Variants in ARHGAP22 observed in about 807,000 individuals in gnomAD.
ARHGAP22 encodes rho GTPase-activating protein 22.
In ARHGAP22, 48 loss-of-function variants were observed where a neutral mutation model predicts 59.1. That is an observed-to-expected ratio of 0.81 (90% CI 0.64 to 1.03). ARHGAP22 has a LOEUF of 1.03. Ranked by LOEUF, ARHGAP22 falls within the 50% of genes least tolerant of loss-of-function variation. The probability of loss-of-function intolerance (pLI) is 0.00; values close to 1 mark genes in which losing one functional copy is unlikely to be tolerated. For synonymous variants in ARHGAP22, 445 were observed against 416.4 expected, an observed-to-expected ratio of 1.07 and a Z score of -0.84; for missense variants, 1,015 against 958.7, an observed-to-expected ratio of 1.06 and a Z score of -0.78.
chr10:48,541,571 G>A (rs572805514), intron 3 of ARHGAP22, among the ~76,000 whole-genome samples: 43 of 152,282 alleles, frequency 2.8e-4, no homozygotes, highest in African/African-American at 8.9e-4. Flanking sequence ...CAGGACAGGC[G>A]GCATCCTGGA....
chr10:48,487,427 A>C (rs980691118), intron 3 of ARHGAP22, among the ~76,000 whole-genome samples: 1 of 152,200 alleles, frequency 6.6e-6, no homozygotes, highest in African/African-American at 2.4e-5. Flanking sequence ...AGATTATCCA[A>C]GTGGGCTCAA....
chr10:48,596,997 C>T (rs2060106696), intron 1 of ARHGAP22, among the ~76,000 whole-genome samples: 1 of 152,162 alleles, frequency 6.6e-6, no homozygotes, highest in African/African-American at 2.4e-5. Context: ...CATGACTCTG[C>T]TGGTGAATCC....
At chr10:48,451,257 C>T in intron 8 of ARHGAP22, 117 bp from the exon 9 acceptor site, 2 of 1,407,250 alleles carry the variant, frequency 1.4e-6, no homozygotes, top group Non-Finnish European at 2.0e-6. Context: ...CAGAGCCAGG[C>T]CGCCCCTCAA....
chr10:48,620,390 T>TA lies in ARHGAP22; in HGVS notation c.52+31843dup, dbSNP rs554495082. On this transcript the variant is annotated intron_variant, in intron 1 of 9. Coordinates refer to the ARHGAP22 transcript ENST00000435790. ...GATGGAGAAGCAGGCTCAGAGATGT[T>TA]AAGGGACTTTCTCGAGTCACTCAGA... 1.3e-3 allele frequency among the ~76,000 whole-genome samples: 203 copies of TA among 152,298 alleles called. 1 individual carries two copies. Among genetic ancestry groups the TA allele is most frequent in the African/African-American group, 4.8e-3 (199 of 41,558 alleles).
chr10:48,522,369 T>C (rs1304726528), intron 3 of ARHGAP22, among the ~76,000 whole-genome samples: 4 of 152,220 alleles, frequency 2.6e-5, no homozygotes. Context: ...GCTTTTTCCT[T>C]ACCTGGACTG....
chr10:48,441,824 T>C (rs2045209952), downstream of ARHGAP22, among the ~76,000 whole-genome samples: 1 of 151,506 alleles, frequency 6.6e-6, no homozygotes, highest in Admixed American at 6.6e-5. Flanking sequence ...TCCAGGTGAG[T>C]TTTGTCAAGA....
intron 1 of ARHGAP22, among the ~76,000 whole-genome samples, chr10:48,619,864 A>G (rs182391103): frequency 4.6e-5 from 7 of 152,330 alleles, no homozygotes; most frequent in African/African-American, 1.7e-4. Context: ...ACATCAGACT[A>G]AAAAACTTCT....
upstream of ARHGAP22, among the ~76,000 whole-genome samples, chr10:48,608,291 T>A (rs2060751076): frequency 6.6e-6 from 1 of 152,110 alleles, no homozygotes; most frequent in Non-Finnish European, 1.5e-5. Context: ...CCACAGGTGC[T>A]GTTGGATGGT....
At chr10:48,587,505 C>G (rs1369015281) in intron 1 of ARHGAP22, among the ~76,000 whole-genome samples, 1 of 151,946 alleles carries the variant, frequency 6.6e-6, no homozygotes, top group African/African-American at 2.4e-5. Flanking sequence ...AAGTGAGATT[C>G]CTACCATGAG....
chr10:48,454,872 C>G lies in ARHGAP22; in HGVS notation c.792+130G>C, dbSNP rs989464423. ...GATGCTCCAGGCCCCCACCACACCCCCAACACAGCAGGCCTCCACAGGATC... is the reference window on the plus strand; with the variant it reads ...GATGCTCCAGGCCCCCACCACACCCGCAACACAGCAGGCCTCCACAGGATC... On this transcript the variant is annotated intron_variant, in intron 6 of 9. Transcript: ENST00000249601. The G allele has an allele frequency of 1.1e-5, 14 of 1,271,192 alleles. No homozygotes were observed. The East Asian group carries it at 2.9e-4, about 26-fold the overall frequency. 78.7% of individuals were successfully genotyped at this position (1,271,192 alleles called of 1,614,324 possible).
chr10:48,627,301 C>T (rs529429060), intron 1 of ARHGAP22, among the ~76,000 whole-genome samples: 23 of 152,236 alleles, frequency 1.5e-4, no homozygotes, highest in Non-Finnish European at 2.9e-4. Context: ...CCAAGTAGGA[C>T]GGAGTGTGGA....
intron 3 of ARHGAP22, among the ~76,000 whole-genome samples, chr10:48,520,548 G>C (rs2053710382): frequency 6.6e-6 from 1 of 152,196 alleles, no homozygotes; most frequent in Non-Finnish European, 1.5e-5. Flanking sequence ...ACTGTTCCCT[G>C]GTGCTGGGAA....
rs1050128040 is a variant in ARHGAP22, at chr10:48,640,973, A to T, written c.52+11261T>A. Among the ~76,000 whole-genome samples, 4 of 152,308 alleles carry T rather than the reference A, an allele frequency of 2.6e-5. No individual in the cohort carries two copies. In the East Asian group the frequency reaches 5.8e-4, roughly 22 times the overall value. ...TAAGCCCAAAACAATAGTAGCACAAAGGAAAATGGATAAAATGAAGCTGTC... is the reference window on the plus strand; with the variant it reads ...TAAGCCCAAAACAATAGTAGCACAATGGAAAATGGATAAAATGAAGCTGTC... On this transcript the variant is annotated intron_variant, in intron 1 of 9. Transcript: ENST00000435790.
chr10:48,630,064 T>A (rs1422534340), intron 1 of ARHGAP22, among the ~76,000 whole-genome samples: 1 of 151,888 alleles, frequency 6.6e-6, no homozygotes, highest in Non-Finnish European at 1.5e-5. Context: ...GGGATTGTAC[T>A]GAGTCTATAT....
At chr10:48,482,718 G>A (rs1053737407) in intron 3 of ARHGAP22, among the ~76,000 whole-genome samples, 2 of 152,070 alleles carry the variant, frequency 1.3e-5, no homozygotes, top group African/African-American at 4.8e-5. Context: ...CATGCATAGA[G>A]TGTGTAATAA....
intron 2 of ARHGAP22, among the ~76,000 whole-genome samples, chr10:48,578,552 G>C (rs983980000): frequency 1.4e-5 from 2 of 147,866 alleles, no homozygotes; most frequent in South Asian, 2.2e-4. Context: ...GTGTGTGTGT[G>C]TCTGTGTGTG....
chr10:48,464,883 C>T (rs2047498803), intron 4 of ARHGAP22, among the ~76,000 whole-genome samples: 2 of 152,300 alleles, frequency 1.3e-5, no homozygotes, highest in South Asian at 4.1e-4. Context: ...GCCCCACATT[C>T]CCAGCTGGCC....
At chr10:48,458,287 C>T (rs925107456) in intron 5 of ARHGAP22, among the ~76,000 whole-genome samples, 9 of 152,008 alleles carry the variant, frequency 5.9e-5, no homozygotes, top group African/African-American at 2.2e-4. Flanking sequence ...GGAAGGCTGC[C>T]CCAGGCTGCT....
At chr10:48,540,256 AAGC>A (rs2055802436) in intron 3 of ARHGAP22, among the ~76,000 whole-genome samples, 1 of 152,234 alleles carries the variant, frequency 6.6e-6, no homozygotes, top group Non-Finnish European at 1.5e-5. Flanking sequence ...TAAACTGAAA[AAGC>A]AGCTTTTGCT....
Sources: allele counts gnomAD v4.1 joint callset (sites outside exome capture counted in the v4.1 genomes callset), GRCh38; gene constraint gnomAD v4.1.1; transcripts MANE v1.5; gene names NCBI Gene and HGNC (gene_info 2026-07-23, HGNC 2026-07-21).